The following CRB1 variants were observed in gnomAD, a reference collection of about 807,000 sequenced individuals.
CRB1 encodes protein crumbs homolog 1.
In CRB1, 83 loss-of-function variants were observed where a neutral mutation model predicts 120.0. The observed-to-expected ratio is 0.69, with a 90% confidence interval of 0.58 to 0.83. CRB1 has a LOEUF of 0.83. CRB1 is among the 40% of genes least tolerant of loss of function. The pLI, the probability that CRB1 is intolerant of heterozygous loss-of-function variation, is 0.00. For missense variants in CRB1, 1,699 were observed against 1,687.6 expected, an observed-to-expected ratio of 1.01 and a Z score of -0.12; for synonymous variants, 625 against 612.5, an observed-to-expected ratio of 1.02 and a Z score of -0.30.
intron 7 of CRB1, chr1:197,429,091 T>A (rs1448763808): frequency 1.3e-6 from 2 of 1,511,966 alleles, no homozygotes; most frequent in African/African-American, 2.8e-5. Flanking sequence ...CTTCTTTTTA[T>A]CATCTATAAA....
intron 1 of CRB1, among the ~76,000 whole-genome samples, chr1:197,277,551 A>G (rs932102253): frequency 6.6e-6 from 1 of 152,040 alleles, no homozygotes; most frequent in Non-Finnish European, 1.5e-5. Context: ...CAAATTAAGC[A>G]ACACCATTGA....
chr1:197,423,285 T>C (rs1250898207), intron 6 of CRB1, among the ~76,000 whole-genome samples: 1 of 152,136 alleles, frequency 6.6e-6, no homozygotes, highest in African/African-American at 2.4e-5. Context: ...GGGTTCTGGT[T>C]TTCTTTATTT....
chr1:197,334,161 C>T (rs1263256201), intron 2 of CRB1, among the ~76,000 whole-genome samples: 1 of 152,188 alleles, frequency 6.6e-6, no homozygotes, highest in Non-Finnish European at 1.5e-5. Context: ...GATGCTGATG[C>T]TGTTAGTTTG....
rs62636274 is a variant in CRB1 at position 197,434,937 on chromosome 1, G to A, written c.3074G>A (p.Ser1025Asn). The change falls in exon 9 of 12, where the codon AGT becomes AAT. Residue 1025 changes from serine to asparagine, a missense_variant. By Grantham distance (46) the Ser-to-Asn change is conservative (BLOSUM62 1). Transcript: ENST00000367400. ...GNSFYMLSLTSLQSVNDGTWH... is the reference protein window; with the variant it reads ...GNSFYMLSLTNLQSVNDGTWH... Reference sequence around the variant, plus strand: ...AGCTTTTATATGCTAAGTCTGACAAGTTTGCAGTCAGTGAATGATGGCACA... The same window carrying A: ...AGCTTTTATATGCTAAGTCTGACAAATTTGCAGTCAGTGAATGATGGCACA... 1 of 1,613,926 alleles carries A rather than the reference G, an allele frequency of 6.2e-7. No individual in the cohort carries two copies. Among genetic ancestry groups the A allele is most frequent in the South Asian group, 1.1e-5 (1 of 91,082 alleles).
chr1:197,449,769 C>T (rs1008938882), intron 11 of CRB1, among the ~76,000 whole-genome samples: 1 of 152,152 alleles, frequency 6.6e-6, no homozygotes, highest in Non-Finnish European at 1.5e-5. Context: ...AATCTCTGCT[C>T]AGTTATTTTG....
upstream of CRB1, among the ~76,000 whole-genome samples, chr1:197,263,570 G>A (rs913281749): frequency 6.6e-6 from 1 of 151,842 alleles, no homozygotes; most frequent in African/African-American, 2.4e-5. Flanking sequence ...CAATTTTGTT[G>A]CACTTTAAAT....
At chr1:197,424,359 A>G (rs937391033) in intron 6 of CRB1, among the ~76,000 whole-genome samples, 1 of 152,148 alleles carries the variant, frequency 6.6e-6, no homozygotes, top group African/African-American at 2.4e-5. Context: ...AAAAATCTCA[A>G]CTTGCCTGCT....
intron 5 of CRB1, among the ~76,000 whole-genome samples, chr1:197,371,606 T>A (rs1237576385): frequency 6.6e-6 from 1 of 152,114 alleles, no homozygotes; most frequent in Admixed American, 6.5e-5. Flanking sequence ...GTTCCTGTTT[T>A]GTGAATGCTG....
intron 2 of CRB1, among the ~76,000 whole-genome samples, chr1:197,340,514 A>G (rs904588667): frequency 3.9e-5 from 6 of 152,192 alleles, no homozygotes; most frequent in African/African-American, 1.2e-4. Context: ...ATAGAAATGT[A>G]GAGAGTGATT....
At chr1:197,202,413 G>A in the CRB1 span, among the ~76,000 whole-genome samples, 1 of 152,268 alleles carries the variant, frequency 6.6e-6, no homozygotes, top group South Asian at 2.1e-4. Flanking sequence ...ACACTGAAAA[G>A]AGAGAAAAAT....
chr1:197,277,377 T>C (rs1327928420), intron 1 of CRB1, among the ~76,000 whole-genome samples: 1 of 152,002 alleles, frequency 6.6e-6, no homozygotes, highest in African/African-American at 2.4e-5. Flanking sequence ...TTCTGCAAAT[T>C]AGTGAGAGCA....
intron 2 of CRB1, among the ~76,000 whole-genome samples, chr1:197,337,088 G>A (rs1340936542): frequency 1.3e-5 from 2 of 152,202 alleles, no homozygotes; most frequent in African/African-American, 2.4e-5. Flanking sequence ...CGATGAAAAG[G>A]TGAGGCTTTT....
At chr1:197,409,423 G>A (rs187276943) in intron 5 of CRB1, among the ~76,000 whole-genome samples, 2 of 151,920 alleles carry the variant, frequency 1.3e-5, no homozygotes, top group Admixed American at 1.3e-4. Context: ...TGCATTTCTG[G>A]TTTAAAAATG....
intron 1 of CRB1, among the ~76,000 whole-genome samples, chr1:197,320,815 T>C (rs1011831701): frequency 2.0e-5 from 3 of 152,212 alleles, no homozygotes; most frequent in African/African-American, 7.2e-5. Flanking sequence ...ATTAATTAAA[T>C]TAATTGATTT....
At chr1:197,258,296 C>G in the CRB1 span, among the ~76,000 whole-genome samples, 1 of 151,378 alleles carries the variant, frequency 6.6e-6, no homozygotes, top group Non-Finnish European at 1.5e-5. Flanking sequence ...CTTTTTTTTG[C>G]GTGTATTTCA....
intron 2 of CRB1, among the ~76,000 whole-genome samples, chr1:197,337,504 T>A (rs1014753194): frequency 7.2e-5 from 11 of 152,108 alleles, no homozygotes; most frequent in African/African-American, 2.7e-4. Flanking sequence ...CAACCTAACT[T>A]TTAGGGTCAT....
At chr1:197,420,209 T>C (rs895357895) in intron 5 of CRB1, among the ~76,000 whole-genome samples, 1 of 152,198 alleles carries the variant, frequency 6.6e-6, no homozygotes, top group Non-Finnish European at 1.5e-5. Flanking sequence ...TCTGTTCTTA[T>C]TGTTACTCTT....
chr1:197,412,711 T>C (rs1160167698), intron 5 of CRB1, among the ~76,000 whole-genome samples: 2 of 152,218 alleles, frequency 1.3e-5, no homozygotes, highest in East Asian at 3.8e-4. Context: ...ATAAACTGTA[T>C]GCTTCAAAAA....
At chr1:197,470,230 A>T (rs1666922419) in intron 11 of CRB1, among the ~76,000 whole-genome samples, 1 of 152,158 alleles carries the variant, frequency 6.6e-6, no homozygotes, top group South Asian at 2.1e-4. Flanking sequence ...TCTGCACCTG[A>T]ATGGGGCTTC....
Sources: gnomAD v4.1 joint callset for allele counts (sites outside exome capture counted in the v4.1 genomes callset) on GRCh38, gnomAD v4.1.1 for gene constraint, MANE v1.5 for transcripts, NCBI Gene and HGNC (gene_info 2026-07-23, HGNC 2026-07-21) for gene names.